Variants in TTLL11 observed in about 807,000 individuals in gnomAD.
The protein encoded by TTLL11 is tubulin tyrosine ligase like 11.
A neutral mutation model predicts 51.7 loss-of-function variants in TTLL11; 42 were observed. The ratio of observed to expected loss-of-function variants is 0.81; its 90% CI spans 0.64 to 1.05. TTLL11 has a LOEUF of 1.05. Among genes scored for constraint, TTLL11 ranks in the 50% least tolerant of loss-of-function variants. The pLI, the probability that TTLL11 is intolerant of heterozygous loss-of-function variation, is 0.00. For missense variants in TTLL11, 799 were observed against 940.4 expected (o/e 0.85, Z 1.97); for synonymous variants, 381 against 383.5 (o/e 0.99, Z 0.08).
chr9:122,060,102 TC>T (rs1188574110), intron 1 of TTLL11, among the ~76,000 whole-genome samples: 1 of 152,196 alleles, frequency 6.6e-6, no homozygotes, highest in Non-Finnish European at 1.5e-5. Context: ...CAGGGATATC[TC>T]CCTTTTACCC....
Position 121,820,916 on chromosome 9 carries a change from G to A in TTLL11, c.*1671C>T, listed in dbSNP as rs968201326. Among the ~76,000 whole-genome samples, 2 of 150,018 alleles carry A rather than the reference G, an allele frequency of 1.3e-5. No homozygotes were observed. The highest frequency in any genetic ancestry group is 2.2e-4 in the South Asian group (1 of 4,644). ...CCCCTCTAGGCTGGGGAAGGGCAGC[G>A]GCCTTTGGGCTCTGCTAGCAGCAGG... On this transcript the variant is annotated 3_prime_UTR_variant, in exon 9 of 9. Transcript: ENST00000321582.
At chr9:122,072,891 G>T (rs978893309) in intron 1 of TTLL11, among the ~76,000 whole-genome samples, 2 of 152,160 alleles carry the variant, frequency 1.3e-5, no homozygotes, top group African/African-American at 4.8e-5. Flanking sequence ...GAGCTCTCCG[G>T]GGAAGGGACA....
At chr9:121,889,319 C>T (rs951915426) in intron 6 of TTLL11, among the ~76,000 whole-genome samples, 5 of 152,048 alleles carry the variant, frequency 3.3e-5, no homozygotes, top group African/African-American at 9.7e-5. Context: ...TGGATTTGCT[C>T]GCTATGTGAT....
At chr9:121,897,587 C>CA (rs1024060592) in intron 6 of TTLL11, among the ~76,000 whole-genome samples, 1 of 144,638 alleles carries the variant, frequency 6.9e-6, no homozygotes, top group Non-Finnish European at 1.5e-5. Context: ...CCGCATCCCA[C>CA]AAGCCCACCT....
chr9:121,919,074 C>T (rs552535995), intron 6 of TTLL11, among the ~76,000 whole-genome samples: 1 of 152,274 alleles, frequency 6.6e-6, no homozygotes, highest in East Asian at 1.9e-4. Context: ...CTGAGCAGTG[C>T]TCTTATGAAT....
At chr9:122,031,046 C>T (rs187836633) in intron 3 of TTLL11, among the ~76,000 whole-genome samples, 1 of 152,284 alleles carries the variant, frequency 6.6e-6, no homozygotes, top group Non-Finnish European at 1.5e-5. Context: ...ATTAGACAGG[C>T]ATTGGTTGTA....
Position 121,853,736 on chromosome 9 carries a change from G to C in TTLL11, c.1840+6601C>G, listed in dbSNP as rs951724020. On this transcript the variant is annotated intron_variant, in intron 8 of 8. Transcript: ENST00000321582. This position sits in a 1 kb window ranked among gnomAD's most constrained non-coding sequence, Gnocchi z 5.6. Reference sequence around the variant, plus strand: ...TTCCTCTGTCTTCCCCAGCCTCACTGTCCCCACTGTCGCCAGGGTGGGATG... The same window carrying C: ...TTCCTCTGTCTTCCCCAGCCTCACTCTCCCCACTGTCGCCAGGGTGGGATG... 3.3e-5 allele frequency among the ~76,000 whole-genome samples: 5 copies of C among 152,172 alleles called. No individual in the cohort carries two copies. Among genetic ancestry groups the C allele is most frequent in the African/African-American group, 1.2e-4 (5 of 41,432 alleles).
chr9:121,892,300 G>T (rs537530088), intron 6 of TTLL11, among the ~76,000 whole-genome samples: 171 of 151,796 alleles, frequency 1.1e-3, no homozygotes, highest in African/African-American at 4.1e-3. Context: ...TAGTCCATTT[G>T]CATGCTTCTG....
intron 3 of TTLL11, among the ~76,000 whole-genome samples, chr9:121,990,383 C>T (rs541932459): frequency 6.6e-6 from 1 of 152,248 alleles, no homozygotes; most frequent in African/African-American, 2.4e-5. Context: ...GGATTAAATG[C>T]AATCATAAAT....
chr9:121,874,756 A>ATTTTT (rs35998915), intron 6 of TTLL11, among the ~76,000 whole-genome samples: 1 of 137,604 alleles, frequency 7.3e-6, no homozygotes, highest in Non-Finnish European at 1.6e-5. Flanking sequence ...CAGAGGCATA[A>ATTTTT]TTTTTTTTTT....
chr9:122,089,415 A>C (rs1489645440), intron 1 of TTLL11, among the ~76,000 whole-genome samples: 1 of 152,210 alleles, frequency 6.6e-6, no homozygotes. Context: ...CAGGCATAAG[A>C]AAGGTCATGT....
chr9:122,019,550 G>A (rs1844102403), intron 3 of TTLL11, among the ~76,000 whole-genome samples: 1 of 152,168 alleles, frequency 6.6e-6, no homozygotes, highest in Non-Finnish European at 1.5e-5. Flanking sequence ...CCTGGGCTCA[G>A]GTGATTCTCC....
rs757552624 is a variant in TTLL11, at chr9:121,931,584, T to TAA, written c.1481+42423_1481+42424dup. On this transcript the variant is annotated intron_variant, in intron 6 of 8. Coordinates refer to ENST00000321582, the MANE Select transcript of TTLL11 (RefSeq NM_001139442.2). Reference sequence around the variant, plus strand: ...ATGGTAAAACCCTGTTTCTACTATTTAAAAAAAAAAAAAAAAAAAAAGAAA... The same window carrying TAA: ...ATGGTAAAACCCTGTTTCTACTATTTAAAAAAAAAAAAAAAAAAAAAAAGAAA... Among the ~76,000 whole-genome samples the TAA allele has an allele frequency of 8.6e-4, 113 of 130,708 alleles. 1 individual carries two copies. In the East Asian group the frequency reaches 0.011, roughly 13 times the overall value. The allele number at this position is 130,708 out of a possible 152,430, so 85.7% of individuals were successfully genotyped here.
chr9:121,996,578 C>T (rs975920949), intron 3 of TTLL11, among the ~76,000 whole-genome samples: 1 of 152,212 alleles, frequency 6.6e-6, no homozygotes, highest in African/African-American at 2.4e-5. Flanking sequence ...GGCAAGGAGA[C>T]TTGCCCAAGG....
At chr9:121,838,422 A>G (rs559843462) in intron 8 of TTLL11, among the ~76,000 whole-genome samples, 120 of 152,236 alleles carry the variant, frequency 7.9e-4, no homozygotes, top group Admixed American at 1.6e-3. Context: ...ATGACCTTTT[A>G]GAAACACAAA....
At chr9:122,000,471 C>CA (rs57775265) in intron 3 of TTLL11, among the ~76,000 whole-genome samples, 8,442 of 22,670 alleles carry the variant, frequency 0.37, 2,562 homozygotes, top group Non-Finnish European at 0.49. Flanking sequence ...GACTCCGTCG[C>CA]AAAAAAAAAA....
In TTLL11 at chr9:121,943,918, A is replaced by G. The variant is rs188324029; in HGVS notation, c.1481+30091T>C. Among the ~76,000 whole-genome samples, 440 of 152,358 alleles carry G rather than the reference A, an allele frequency of 2.9e-3. 4 individuals carry two copies. Among genetic ancestry groups the G allele is most frequent in the Non-Finnish European group, 3.2e-3 (220 of 68,036 alleles). On this transcript the variant is annotated intron_variant, in intron 6 of 8. Transcript: ENST00000321582. ...GTTGAATAAGTGAATGAATGATTCT[A>G]TAAGACTGCCCATTTCTTTCTTCAT...
At chr9:122,000,668 T>C (rs1219529112) in intron 3 of TTLL11, among the ~76,000 whole-genome samples, 1 of 152,072 alleles carries the variant, frequency 6.6e-6, no homozygotes, top group Non-Finnish European at 1.5e-5. Flanking sequence ...GGTCTAAAAA[T>C]GGAGGCATGA....
intron 3 of TTLL11, among the ~76,000 whole-genome samples, chr9:121,993,791 G>A (rs560835974): frequency 3.3e-5 from 5 of 152,308 alleles, no homozygotes; most frequent in African/African-American, 1.2e-4. Context: ...TAGCAATGAG[G>A]GGCAGGTAAG....
Sources: gnomAD v4.1 joint callset for allele counts (sites outside exome capture counted in the v4.1 genomes callset) on GRCh38, gnomAD v4.1.1 for gene constraint, Gnocchi (gnomAD v3.1) non-coding constraint, MANE v1.5 for transcripts, NCBI Gene and HGNC (gene_info 2026-07-23, HGNC 2026-07-21) for gene names.